Variants in BEND7 observed in about 807,000 individuals in gnomAD.
The protein encoded by BEND7 is BEN domain-containing protein 7.
Under a neutral mutation model 50.9 loss-of-function variants are expected in BEND7, and 28 were observed. The ratio of observed to expected loss-of-function variants is 0.55; its 90% CI spans 0.41 to 0.75. The LOEUF (loss-of-function observed/expected upper bound fraction) is 0.75. Among genes scored for constraint, BEND7 ranks in the 30% least tolerant of loss-of-function variants. The pLI is 0.00. For synonymous variants in BEND7, 170 were observed against 183.9 expected (o/e 0.92, Z 0.61); for missense variants, 477 against 491.3 (o/e 0.97, Z 0.28).
At chr10:13,453,342 C>G (rs1322665151) in intron 6 of BEND7, among the ~76,000 whole-genome samples, 1 of 152,164 alleles carries the variant, frequency 6.6e-6, no homozygotes. Context: ...ACACACACTC[C>G]TGAGCACTTT....
chr10:13,481,077 A>G lies in BEND7; in HGVS notation c.885T>C (p.Ser295=). 1 of 1,614,164 alleles carries G rather than the reference A, an allele frequency of 6.2e-7. No homozygotes were observed. The highest frequency in any genetic ancestry group is 8.5e-7 in the Non-Finnish European group (1 of 1,180,024). The change falls in exon 6 of 9, where the codon TCT becomes TCC. Residue 295 remains serine, a synonymous_variant. Coordinates refer to ENST00000466271, the MANE Select transcript of BEND7 (RefSeq NM_001369863.1). ...AEGFDVFMPK[S]QLDSILSNYT... is the part of the protein sequence containing the mutation. ...AGTTTGACAATATAGAGTCCAGCTG[A>G]GATTTAGGCATAAACACGTCAAAGC...
chr10:13,441,595 G>C lies in BEND7; in HGVS notation c.*148C>G. The C allele has an allele frequency of 3.3e-6, 5 of 1,500,824 alleles. No individual in the cohort carries two copies. The South Asian group carries it at 6.9e-5, about 21-fold the overall frequency. 93.0% of individuals were successfully genotyped at this position (1,500,824 alleles called of 1,614,324 possible). A position where few individuals can be genotyped will look rare whatever the true frequency, so the allele number is the denominator to read the frequency against. ...GAAGTTAGCGTTTCTGCCTTGACCA[G>C]CAACATACTCATCCTATTTTAACAC... On this transcript the variant is annotated 3_prime_UTR_variant, in exon 9 of 9. Transcript: ENST00000466271.
intron 2 of BEND7, among the ~76,000 whole-genome samples, chr10:13,519,118 C>T (rs2078902722): frequency 1.3e-5 from 2 of 152,184 alleles, no homozygotes; most frequent in South Asian, 4.1e-4. Context: ...TATTAGGCAT[C>T]ACATGGTAAG....
intron 2 of BEND7, among the ~76,000 whole-genome samples, chr10:13,505,957 G>T (rs1372551874): frequency 2.0e-5 from 3 of 152,092 alleles, no homozygotes. Context: ...ACAAATAACA[G>T]GGAAGACTGA....
chr10:13,484,014 T>C (rs139736216), intron 5 of BEND7, among the ~76,000 whole-genome samples: 154 of 152,344 alleles, frequency 1.0e-3, no homozygotes, highest in African/African-American at 3.6e-3. Context: ...GTCACTGCTT[T>C]CCATTCCACT....
At chr10:13,441,813 G>A (rs1054421221) in intron 8 of BEND7, 63 bp from the exon 9 acceptor site, 7 of 1,525,886 alleles carry the variant, frequency 4.6e-6, no homozygotes, top group East Asian at 4.5e-5. Flanking sequence ...AATGGAAAAA[G>A]GCTAACAAAA....
intron 8 of BEND7, chr10:13,446,445 T>C (rs992428833): frequency 6.6e-6 from 1 of 152,306 alleles, no homozygotes; most frequent in Non-Finnish European, 1.5e-5. Flanking sequence ...GGAAAAAACA[T>C]TCGGTTGAAC....
intron 5 of BEND7, among the ~76,000 whole-genome samples, chr10:13,483,272 G>A (rs2075994860): frequency 6.6e-6 from 1 of 152,062 alleles, no homozygotes; most frequent in Non-Finnish European, 1.5e-5. Flanking sequence ...ACCCCAGTTT[G>A]AAAAACACTG....
intron 5 of BEND7, 114 bp from the exon 6 acceptor site, chr10:13,481,238 G>A (rs2131734577): frequency 3.1e-6 from 3 of 962,446 alleles, no homozygotes; most frequent in South Asian, 3.4e-5. Flanking sequence ...TCCTACAAAT[G>A]AAAACACTCT....
intron 3 of BEND7, among the ~76,000 whole-genome samples, chr10:13,498,521 C>T (rs1360520522): frequency 6.6e-6 from 1 of 152,204 alleles, no homozygotes; most frequent in Non-Finnish European, 1.5e-5. Context: ...TCACCCAAAA[C>T]TTACTGATGT....
intron 5 of BEND7, among the ~76,000 whole-genome samples, chr10:13,486,311 G>A (rs1438148012): frequency 2.6e-5 from 4 of 152,256 alleles, no homozygotes; most frequent in Non-Finnish European, 4.4e-5. Flanking sequence ...TTATAGGCGG[G>A]AGCCAACATG....
At chr10:13,443,148 T>A (rs1269935115) in intron 8 of BEND7, 3 of 152,360 alleles carry the variant, frequency 2.0e-5, no homozygotes, top group Admixed American at 2.0e-4. Context: ...TAAAAATGAT[T>A]TAAAAAATCT....
chr10:13,488,142 G>A (rs2076379477), intron 5 of BEND7, among the ~76,000 whole-genome samples: 1 of 146,138 alleles, frequency 6.8e-6, no homozygotes, highest in Non-Finnish European at 1.5e-5. Context: ...ATATTCTGAT[G>A]AATATCCACA....
At chr10:13,501,665 G>T (rs1311572478) in intron 2 of BEND7, among the ~76,000 whole-genome samples, 1 of 152,088 alleles carries the variant, frequency 6.6e-6, no homozygotes, top group African/African-American at 2.4e-5. Context: ...TGGGCAATAT[G>T]GAGAAACCCC....
chr10:13,513,401 A>G (rs190525342), intron 2 of BEND7, among the ~76,000 whole-genome samples: 3 of 152,300 alleles, frequency 2.0e-5, no homozygotes, highest in Admixed American at 2.0e-4. Flanking sequence ...TGCTTACCAG[A>G]TAGCCTCACT....
At chr10:13,480,749 A>G in intron 6 of BEND7, 150 bp downstream of exon 6, 1 of 1,457,360 alleles carries the variant, frequency 6.9e-7, no homozygotes, top group South Asian at 1.5e-5. Context: ...TGAATTACAG[A>G]GCTCACACCC....
At chr10:13,439,178 A>T, downstream of BEND7, 1 of 1,609,676 alleles carries the variant, frequency 6.2e-7, no homozygotes, top group Non-Finnish European at 8.5e-7. Context: ...AATTTCAGAG[A>T]GAGAGGCAAG....
intron 7 of BEND7, among the ~76,000 whole-genome samples, chr10:13,448,719 A>G (rs149617921): frequency 1.6e-3 from 246 of 152,268 alleles, no homozygotes; most frequent in African/African-American, 5.7e-3. Flanking sequence ...AACTGCTAAA[A>G]ATGATGTTGT....
chr10:13,502,804 A>G, intron 2 of BEND7: 2 of 709,288 alleles, frequency 2.8e-6, no homozygotes, highest in Non-Finnish European at 3.5e-6. Flanking sequence ...GCCACCCCTG[A>G]CCCCAGGCTC....
Sources: gnomAD v4.1 joint callset for allele counts (sites outside exome capture counted in the v4.1 genomes callset) on GRCh38, gnomAD v4.1.1 for gene constraint, MANE v1.5 for transcripts, NCBI Gene and HGNC (gene_info 2026-07-23, HGNC 2026-07-21) for gene names.